Variants in POLR3E observed in about 807,000 individuals in gnomAD.
The protein encoded by POLR3E is RNA polymerase III subunit E, also known as DNA-directed RNA polymerase III subunit RPC5.
In POLR3E, 41 loss-of-function variants were observed where a neutral mutation model predicts 96.6. The ratio of observed to expected loss-of-function variants is 0.42; its 90% confidence interval spans 0.33 to 0.55. POLR3E has a LOEUF of 0.55. Ranked by LOEUF, POLR3E falls within the 20% of genes least tolerant of loss-of-function variation. POLR3E has a pLI of 0.06. For synonymous variants in POLR3E, 396 were observed against 383.6 expected (o/e 1.03, Z -0.38); for missense variants, 849 against 952.1 (o/e 0.89, Z 1.43).
At chr16:22,309,553 G>A (rs367725704) in intron 6 of POLR3E, 43 bp downstream of exon 6, 5 of 1,379,244 alleles carry the variant, frequency 3.6e-6, no homozygotes, top group South Asian at 1.2e-5. Flanking sequence ...ATGGCATTGG[G>A]GGGGGCTGGG....
Position 22,313,866 on chromosome 16 carries a change from C to A in POLR3E, c.472+139C>A, listed in dbSNP as rs904788795. 2.8e-6 allele frequency: 2 copies of A among 701,956 alleles called. No homozygotes were observed. Among genetic ancestry groups the A allele is most frequent in the Non-Finnish European group, 4.9e-6 (2 of 405,576 alleles). 43.5% of individuals were successfully genotyped at this position (701,956 alleles called of 1,614,324 possible). A position where few individuals can be genotyped will look rare whatever the true frequency, so the allele number is the denominator to read the frequency against. On this transcript the variant is annotated intron_variant, in intron 7 of 20. Transcript: ENST00000299853. The surrounding 1 kb of genome is among the most constrained non-coding windows in gnomAD (Gnocchi z 4.1). ...CCTACTAGATGCCAGAAGCACCCAC[C>A]CCACAGTCGTGACAATCAAAAAGGT... is the stretch of plus-strand genomic sequence containing the variant.
In POLR3E at chr16:22,318,858, C is replaced by T; in HGVS notation, c.898C>T (p.Leu300Phe). The T allele has an allele frequency of 6.2e-7, 1 of 1,613,466 alleles. No individual in the cohort carries two copies. The highest frequency in any genetic ancestry group is 8.5e-7 in the Non-Finnish European group (1 of 1,179,554). ...CATGCCTTTTGCCAACTTGATGAGC[C>T]TCCTGGGCCCCTCCATCGATTCCGT... ...KVMPFANLMS[L>F]LGPSIDSVAV... Residue 300 changes from leucine to phenylalanine, a missense_variant, in exon 13 of 21, where the codon CTC (leucine) becomes TTC (phenylalanine). Transcript: ENST00000299853. This position sits in a 1 kb window ranked among gnomAD's most constrained non-coding sequence, Gnocchi z 5.0.
In POLR3E at chr16:22,317,147, C is replaced by T. The variant is rs375530322; in HGVS notation, c.806C>T (p.Ser269Leu). 17 of 1,614,010 alleles carry T rather than the reference C, an allele frequency of 1.1e-5. No homozygotes were observed. Among genetic ancestry groups the T allele is most frequent in the East Asian group, 2.2e-5 (1 of 44,898 alleles). The change falls in exon 12 of 21, where the codon TCG becomes TTG. Residue 269 changes from serine (S) to leucine (L), a missense_variant. Ser to Leu is a moderately radical substitution (Grantham distance 145). Transcript: ENST00000299853. ...DKPVAPSNVL[S>L]MAQLRTLPLA... ...CCTGTGGCCCCCAGCAACGTCCTGT[C>T]GATGGCCCAGCTGCGCACGCTGCCC...
At position 22,316,584 on chromosome 16, in the gene POLR3E, C is replaced by T. The variant is rs758333155; in HGVS notation, c.643-17C>T. The T allele has an allele frequency of 6.2e-6, 10 of 1,606,936 alleles. No individual in the cohort carries two copies. Among genetic ancestry groups the T allele is most frequent in the African/African-American group, 1.3e-5 (1 of 74,812 alleles). On this transcript the variant is annotated splice_polypyrimidine_tract_variant and intron_variant, in intron 9 of 20. Coordinates refer to ENST00000299853, the MANE Select transcript of POLR3E (RefSeq NM_018119.4). Reference sequence around the variant, plus strand: ...CATCAGCTGAGGCTCCTCTCACACCCTGCCCTCCTCCAACAGGACAGTCGC... The same window carrying T: ...CATCAGCTGAGGCTCCTCTCACACCTTGCCCTCCTCCAACAGGACAGTCGC...
At chr16:22,319,502 C>T (rs2048427188) in intron 13 of POLR3E, among the ~76,000 whole-genome samples, 1 of 151,344 alleles carries the variant, frequency 6.6e-6, no homozygotes, top group Admixed American at 6.6e-5. Flanking sequence ...GGGTTCACGC[C>T]ATTCTCCTGC....
intron 16 of POLR3E, among the ~76,000 whole-genome samples, 180 bp from the exon 17 acceptor site, chr16:22,325,025 G>A (rs1303381377): frequency 6.6e-6 from 1 of 152,084 alleles, no homozygotes; most frequent in Non-Finnish European, 1.5e-5. Context: ...GACTGATGGG[G>A]TCTGGGTGGT....
chr16:22,298,541 T>A (rs910674819), intron 1 of POLR3E, among the ~76,000 whole-genome samples: 1 of 152,146 alleles, frequency 6.6e-6, no homozygotes, highest in African/African-American at 2.4e-5. Context: ...GGGTCACAGA[T>A]GCCAAGCAGC....
At chr16:22,323,011 G>A in intron 14 of POLR3E, 80 bp downstream of exon 14, 2 of 960,572 alleles carry the variant, frequency 2.1e-6, no homozygotes, top group Non-Finnish European at 1.6e-6. Context: ...TGAAGACCGG[G>A]GCCCGGCAGA....
Position 22,315,185 on chromosome 16 carries a change from C to T in POLR3E, c.619C>T (p.His207Tyr). The T allele has an allele frequency of 6.3e-7, 1 of 1,599,842 alleles. No individual in the cohort carries two copies. The highest frequency in any genetic ancestry group is 8.5e-7 in the Non-Finnish European group (1 of 1,173,134). Residue 207 changes from histidine (H) to tyrosine (Y), a missense_variant, in exon 9 of 21, where the codon CAC becomes TAC. By Grantham distance (83) the His-to-Tyr change is moderately conservative. Coordinates refer to ENST00000299853, the MANE Select transcript of POLR3E (RefSeq NM_018119.4). Reference sequence around the variant, plus strand: ...GAAGCACGCAGAGGAGCCCTGGGTCCACCTGCATTACTATGGCCTGAGGGT... The same window carrying T: ...GAAGCACGCAGAGGAGCCCTGGGTCTACCTGCATTACTATGGCCTGAGGGT... Reference protein sequence around the residue: ...QKKHAEEPWVHLHYYGLRDSR... With the variant: ...QKKHAEEPWVYLHYYGLRDSR...
chr16:22,322,616 G>C lies in POLR3E; in HGVS notation c.987-234G>C, dbSNP rs994619743. On this transcript the variant is annotated intron_variant, in intron 13 of 20. Coordinates refer to ENST00000299853, the MANE Select transcript of POLR3E (RefSeq NM_018119.4). This position sits in a 1 kb window ranked among gnomAD's most constrained non-coding sequence, Gnocchi z 5.2. ...AGGGGTCTTAGGATGAGGCTGGTGT[G>C]CATGGCGGGTTGAGGGGTAATAAGA... Among the ~76,000 whole-genome samples, 1 of 152,124 alleles carries C rather than the reference G, an allele frequency of 6.6e-6. No homozygotes were observed. The highest frequency in any genetic ancestry group is 1.5e-5 in the Non-Finnish European group (1 of 68,014).
rs1444954436 is a variant in POLR3E at position 22,313,312 on chromosome 16, T to G, written c.365-308T>G. 6.6e-6 allele frequency among the ~76,000 whole-genome samples: 1 copy of G among 152,194 alleles called. No homozygotes were observed. Among genetic ancestry groups the G allele is most frequent in the Non-Finnish European group, 1.5e-5 (1 of 68,028 alleles). On this transcript the variant is annotated intron_variant, in intron 6 of 20. Transcript: ENST00000299853. The surrounding 1 kb of genome is among the most constrained non-coding windows in gnomAD (Gnocchi z 4.1). ...TTGATGAGGATTAGCTGCCTAGTGT[T>G]GCAAAGCGAGCAGCTGGGGAGAGGG...
intron 9 of POLR3E, among the ~76,000 whole-genome samples, chr16:22,315,411 G>A (rs148964763): frequency 1.8e-4 from 27 of 152,320 alleles, no homozygotes; most frequent in Middle Eastern, 3.4e-3. Flanking sequence ...GAAAAGATGC[G>A]AGTCCTTGGT....
chr16:22,315,082 A>G lies in POLR3E; in HGVS notation c.523-7A>G, dbSNP rs1471138808. On this transcript the variant is annotated splice_region_variant and splice_polypyrimidine_tract_variant and intron_variant, in intron 8 of 20. Transcript: ENST00000299853. Reference sequence around the variant, plus strand: ...GACGGTATGACCTCTTCCCCTTCCCACCGCAGGTGCGGTTCTCCCGGCCGG... The same window carrying G: ...GACGGTATGACCTCTTCCCCTTCCCGCCGCAGGTGCGGTTCTCCCGGCCGG... 6.2e-7 allele frequency: 1 copy of G among 1,612,618 alleles called. No homozygotes were observed.
intron 9 of POLR3E, 112 bp downstream of exon 9, chr16:22,315,320 C>T (rs2048331777): frequency 1.8e-5 from 21 of 1,167,372 alleles, no homozygotes; most frequent in Non-Finnish European, 2.4e-5. Context: ...GTCATAGCCA[C>T]AGATAGAGGA....
chr16:22,321,525 A>G (rs980741083), intron 13 of POLR3E, among the ~76,000 whole-genome samples: 2 of 152,230 alleles, frequency 1.3e-5, no homozygotes, highest in Non-Finnish European at 2.9e-5. Flanking sequence ...ATCGCGTATT[A>G]CATAGGACCA....
At chr16:22,298,903 T>C (rs1267908686) in intron 1 of POLR3E, 1 of 445,382 alleles carries the variant, frequency 2.2e-6, no homozygotes, top group African/African-American at 2.0e-5. Flanking sequence ...AAAGTAATGC[T>C]CCCCATAACA....
intron 6 of POLR3E, among the ~76,000 whole-genome samples, chr16:22,312,873 CA>C (rs1167609047): frequency 0.021 from 632 of 30,396 alleles, 4 homozygotes; most frequent in Admixed American, 0.049. Context: ...CACTCCATCT[CA>C]AAAAAAAAAA....
chr16:22,318,806 GTC>G lies in POLR3E; in HGVS notation c.866-17_866-16del, dbSNP rs1390537128. 6.2e-7 allele frequency: 1 copy of G among 1,608,446 alleles called. No homozygotes were observed. Among genetic ancestry groups the G allele is most frequent in the Non-Finnish European group, 8.5e-7 (1 of 1,176,888 alleles). ...GCCCGGCCCCTCTTCCTTGTCTGAT[GTC>G]TCCTGCGTCCTCCTCAGTGAAGGTC... On this transcript the variant is annotated intron_variant, in intron 12 of 20. Coordinates refer to ENST00000299853, the MANE Select transcript of POLR3E (RefSeq NM_018119.4). This position sits in a 1 kb window ranked among gnomAD's most constrained non-coding sequence, Gnocchi z 5.0.
intron 3 of POLR3E, among the ~76,000 whole-genome samples, chr16:22,306,364 T>C (rs764257318): frequency 1.3e-5 from 2 of 152,190 alleles, no homozygotes; most frequent in African/African-American, 2.4e-5. Flanking sequence ...GCTCAAGTGA[T>C]TCTGCCTCAG....
Sources: gnomAD v4.1 joint callset for allele counts (sites outside exome capture counted in the v4.1 genomes callset) on GRCh38, gnomAD v4.1.1 for gene constraint, Gnocchi (gnomAD v3.1) non-coding constraint, MANE v1.5 for transcripts, NCBI Gene and HGNC (gene_info 2026-07-23, HGNC 2026-07-21) for gene names.